Variants in SRPK2 observed in about 807,000 individuals in gnomAD.
The protein encoded by SRPK2 is SRSF protein kinase 2.
Under a neutral mutation model 90.8 loss-of-function variants are expected in SRPK2, and 21 were observed. The ratio of observed to expected loss-of-function variants is 0.23; its 90% CI spans 0.16 to 0.33. SRPK2 has a LOEUF of 0.33. SRPK2 is among the 10% of genes least tolerant of loss of function. SRPK2 has a pLI of 1.00. For missense variants in SRPK2, 620 were observed against 869.0 expected, an observed-to-expected ratio of 0.71 and a Z score of 3.60; for synonymous variants, 288 against 311.1, an observed-to-expected ratio of 0.93 and a Z score of 0.78.
intron 2 of SRPK2, among the ~76,000 whole-genome samples, chr7:105,297,988 C>A (rs1373470249): frequency 3.3e-5 from 5 of 152,200 alleles, no homozygotes; most frequent in Non-Finnish European, 7.3e-5. Context: ...GATCTGCCCA[C>A]CTCAGCCTCC....
chr7:105,145,998 G>A lies in SRPK2; in HGVS notation c.787+495C>T, dbSNP rs138448553. On this transcript the variant is annotated intron_variant, in intron 8 of 15. Coordinates refer to ENST00000393651, the MANE Select transcript of SRPK2 (RefSeq NM_182692.3). ...TTCACTGCACCACCTCCCCGACCCC[G>A]CCCCAGAAATAAAGATATCCCAATA... is the stretch of plus-strand genomic sequence containing the variant. 1.4e-3 allele frequency among the ~76,000 whole-genome samples: 219 copies of A among 152,020 alleles called. 1 individual carries two copies. The highest frequency in any genetic ancestry group is 4.9e-3 in the African/African-American group (205 of 41,500).
chr7:105,210,906 G>T (rs1188607512), intron 2 of SRPK2, among the ~76,000 whole-genome samples: 2 of 152,154 alleles, frequency 1.3e-5, no homozygotes, highest in African/African-American at 4.8e-5. Flanking sequence ...CCTGCCAACA[G>T]CTAGAAGAAT....
intron 2 of SRPK2, among the ~76,000 whole-genome samples, chr7:105,331,337 A>AAAAAAAAAC (rs1554512429): frequency 3.7e-4 from 53 of 141,930 alleles, no homozygotes; most frequent in Non-Finnish European, 6.6e-4. Context: ...AAAAAAAAAA[A>AAAAAAAAAC]CAAATAGTTA....
intron 2 of SRPK2, among the ~76,000 whole-genome samples, chr7:105,243,236 T>G (rs550831279): frequency 3.9e-4 from 59 of 152,296 alleles, no homozygotes; most frequent in African/African-American, 1.4e-3. Context: ...ACTCCTGGCT[T>G]CAAGCAATCC....
chr7:105,167,264 C>G (rs918876674), intron 6 of SRPK2, 113 bp downstream of exon 6: 1 of 813,050 alleles, frequency 1.2e-6, no homozygotes, highest in Admixed American at 2.3e-5. Context: ...TGACAATGTT[C>G]CTAGAGTGTT....
chr7:105,210,496 G>T (rs1328726348), intron 2 of SRPK2, among the ~76,000 whole-genome samples: 1 of 151,998 alleles, frequency 6.6e-6, no homozygotes, highest in African/African-American at 2.4e-5. Flanking sequence ...AAATACTTGG[G>T]ACCAGATAAT....
At chr7:105,198,715 C>T (rs75571445) in intron 3 of SRPK2, among the ~76,000 whole-genome samples, 1,772 of 152,182 alleles carry the variant, frequency 0.012, 28 homozygotes, top group African/African-American at 0.04. Flanking sequence ...TTATGAGCCT[C>T]GTATCAGATA....
chr7:105,216,006 C>T (rs780211186), intron 2 of SRPK2, among the ~76,000 whole-genome samples: 11 of 148,774 alleles, frequency 7.4e-5, no homozygotes, highest in Admixed American at 2.0e-4. Context: ...TAATATGCCA[C>T]GATCACACCT....
At chr7:105,236,254 CATT>C (rs1007612206) in intron 2 of SRPK2, among the ~76,000 whole-genome samples, 2 of 152,138 alleles carry the variant, frequency 1.3e-5, no homozygotes, top group African/African-American at 4.8e-5. Context: ...AGGGAAATGA[CATT>C]ATAGGATTTG....
At chr7:105,348,713 A>G (rs905230952) in intron 2 of SRPK2, among the ~76,000 whole-genome samples, 1 of 151,564 alleles carries the variant, frequency 6.6e-6, no homozygotes, top group South Asian at 2.1e-4. Context: ...GTGAGCCACC[A>G]TGCCCAGCTG....
At chr7:105,397,662 G>A (rs62484718) in intron 1 of SRPK2, among the ~76,000 whole-genome samples, 86 of 150,066 alleles carry the variant, frequency 5.7e-4, no homozygotes, top group African/African-American at 2.0e-3. Flanking sequence ...TTTTTTTTGG[G>A]AGACTGAGTC....
intron 11 of SRPK2, among the ~76,000 whole-genome samples, chr7:105,139,109 G>A (rs1011672989): frequency 3.3e-5 from 5 of 152,208 alleles, no homozygotes; most frequent in Admixed American, 3.3e-4. Context: ...ATGCAGGGAT[G>A]TACACTCTCC....
intron 2 of SRPK2, among the ~76,000 whole-genome samples, chr7:105,267,217 T>C (rs1805205493): frequency 6.6e-6 from 1 of 152,218 alleles, no homozygotes; most frequent in Non-Finnish European, 1.5e-5. Flanking sequence ...GAATGTATTT[T>C]AACCAGAAAA....
At chr7:105,270,407 G>A (rs1805672164) in intron 2 of SRPK2, among the ~76,000 whole-genome samples, 1 of 102,274 alleles carries the variant, frequency 9.8e-6, no homozygotes, top group African/African-American at 3.7e-5. Flanking sequence ...AGCCTCCTCT[G>A]CCCTTTTTTT....
At chr7:105,180,756 T>TCAA (rs936761774) in intron 3 of SRPK2, among the ~76,000 whole-genome samples, 3 of 151,984 alleles carry the variant, frequency 2.0e-5, no homozygotes, top group Non-Finnish European at 4.4e-5. Context: ...AGACTTTGTC[T>TCAA]CAACAACAAC....
intron 2 of SRPK2, among the ~76,000 whole-genome samples, chr7:105,262,200 A>T (rs939923568): frequency 6.6e-6 from 1 of 152,224 alleles, no homozygotes; most frequent in Non-Finnish European, 1.5e-5. Flanking sequence ...CTACATCTAG[A>T]CCAAATAAAT....
chr7:105,383,419 ATTTT>A (rs113732829), intron 2 of SRPK2, among the ~76,000 whole-genome samples: 23 of 131,550 alleles, frequency 1.7e-4, no homozygotes, highest in African/African-American at 6.4e-4. Context: ...ACAAAACAGA[ATTTT>A]TTTTTTTTTT....
intron 2 of SRPK2, among the ~76,000 whole-genome samples, chr7:105,276,573 T>TA (rs111355343): frequency 1.8e-3 from 251 of 137,522 alleles, no homozygotes; most frequent in Middle Eastern, 7.2e-3. Context: ...CTTCATCTCT[T>TA]AAAAAAAAAA....
intron 2 of SRPK2, among the ~76,000 whole-genome samples, chr7:105,351,340 A>G (rs1012925023): frequency 2.6e-5 from 4 of 151,992 alleles, no homozygotes; most frequent in Non-Finnish European, 5.9e-5. Context: ...TTTTCTTTAT[A>G]AATTACCCAG....
Sources: gnomAD v4.1 joint callset for allele counts (sites outside exome capture counted in the v4.1 genomes callset) on GRCh38, gnomAD v4.1.1 for gene constraint, MANE v1.5 for transcripts, NCBI Gene and HGNC (gene_info 2026-07-23, HGNC 2026-07-21) for gene names.